The following LYN variants were observed in gnomAD, a reference collection of about 807,000 sequenced individuals.
LYN encodes the protein tyrosine-protein kinase Lyn.
Under a neutral mutation model 65.0 loss-of-function variants are expected in LYN, and 12 were observed. That is an observed-to-expected ratio of 0.18 (90% CI 0.12 to 0.30). The LOEUF is 0.30. Among genes scored for constraint, LYN ranks in the 10% least tolerant of loss-of-function variants. The pLI, the probability that LYN is intolerant of heterozygous loss-of-function variation, is 1.00. For synonymous variants in LYN, 222 were observed against 221.2 expected (o/e 1.00, Z -0.03); for missense variants, 380 against 623.2 (o/e 0.61, Z 4.16).
intron 8 of LYN, among the ~76,000 whole-genome samples, chr8:55,956,358 T>C (rs9298541): frequency 0.33 from 49,591 of 151,984 alleles, 8,491 homozygotes; most frequent in African/African-American, 0.44. Context: ...TGAAGAGTGT[T>C]TAAGCACCTA....
chr8:55,969,744 A>G lies in LYN; in HGVS notation c.1001A>G (p.Asp334Gly). The G allele has an allele frequency of 6.2e-7, 1 of 1,614,192 alleles. No homozygotes were observed. Among genetic ancestry groups the G allele is most frequent in the Non-Finnish European group, 8.5e-7 (1 of 1,180,006 alleles). ...AGTTTGCTGGATTTCCTGAAGAGCGATGAAGGTGGCAAAGTGCTGCTTCCA... is the reference window on the plus strand; with the variant it reads ...AGTTTGCTGGATTTCCTGAAGAGCGGTGAAGGTGGCAAAGTGCTGCTTCCA... Reference protein sequence around the residue: ...KGSLLDFLKSDEGGKVLLPKL... With the variant: ...KGSLLDFLKSGEGGKVLLPKL... The change falls in exon 10 of 13, where the codon GAT becomes GGT. Residue 334 changes from aspartate to glycine, a missense_variant. By Grantham distance (94) the Asp-to-Gly change is moderately conservative. This residue lies in a region of LYN where 223 missense variants were observed against 430.0 expected (regional missense o/e 0.52). Transcript: ENST00000519728.
At chr8:55,929,580 ACAT>A (rs1436888094) in intron 1 of LYN, among the ~76,000 whole-genome samples, 4 of 152,250 alleles carry the variant, frequency 2.6e-5, no homozygotes, top group African/African-American at 9.6e-5. Context: ...AGCAATTAAA[ACAT>A]CAGATTTCCT....
intron 10 of LYN, among the ~76,000 whole-genome samples, chr8:55,987,855 T>G (rs1808125490): frequency 6.6e-6 from 1 of 152,218 alleles, no homozygotes; most frequent in Non-Finnish European, 1.5e-5. Flanking sequence ...CTCAGCTTCG[T>G]CCTCGTTACT....
chr8:55,973,492 A>C (rs1409242414), intron 10 of LYN, among the ~76,000 whole-genome samples: 1 of 152,250 alleles, frequency 6.6e-6, no homozygotes, highest in Non-Finnish European at 1.5e-5. Flanking sequence ...GAGACTTTGC[A>C]TAATTCCCTT....
At chr8:55,921,314 T>G (rs1805941547) in intron 1 of LYN, among the ~76,000 whole-genome samples, 1 of 152,202 alleles carries the variant, frequency 6.6e-6, no homozygotes. Context: ...TATGTTTTAT[T>G]GAAGCAAGTT....
At position 55,941,942 on chromosome 8, in the gene LYN, A is replaced by G. The variant is rs773082600; in HGVS notation, c.83A>G (p.Glu28Gly). The change falls in exon 2 of 13, where the codon GAA becomes GGA. Residue 28 changes from glutamate to glycine, a missense_variant. Glu to Gly is a moderately conservative substitution (Grantham distance 98). Coordinates refer to ENST00000519728, the MANE Select transcript of LYN (RefSeq NM_002350.4). ...AAGACTCAACCAGTACGTAATACTG[A>G]AAGAACTATTTATGTGAGAGATCCA... is the stretch of plus-strand genomic sequence containing the variant. ...DLKTQPVRNT[E>G]RTIYVRDPTS... 7.0e-5 allele frequency: 113 copies of G among 1,613,366 alleles called. No individual in the cohort carries two copies. Among genetic ancestry groups the G allele is most frequent in the Non-Finnish European group, 5.1e-6 (6 of 1,179,612 alleles).
intron 1 of LYN, among the ~76,000 whole-genome samples, chr8:55,922,015 T>G (rs1805959960): frequency 6.6e-6 from 1 of 152,158 alleles, no homozygotes; most frequent in Non-Finnish European, 1.5e-5. Flanking sequence ...AATAGGTACA[T>G]TCTTCCGTGG....
chr8:55,917,987 T>G (rs1390368774), intron 1 of LYN, among the ~76,000 whole-genome samples: 1 of 152,216 alleles, frequency 6.6e-6, no homozygotes, highest in Non-Finnish European at 1.5e-5. Context: ...GGGGGATTTA[T>G]TGGAAGGAAG....
At chr8:55,966,957 T>G in intron 9 of LYN, 60 bp downstream of exon 9, 4 of 1,511,316 alleles carry the variant, frequency 2.6e-6, no homozygotes. Context: ...GTAAAATGTG[T>G]AAGTGTTCAG....
At chr8:55,974,475 T>TAGG (rs1443543140) in intron 10 of LYN, among the ~76,000 whole-genome samples, 2 of 152,132 alleles carry the variant, frequency 1.3e-5, no homozygotes, top group African/African-American at 4.8e-5. Context: ...CCTTTTTGAG[T>TAGG]AGGAGGGCCT....
intron 1 of LYN, chr8:55,893,666 G>A (rs1805013922): frequency 6.6e-6 from 1 of 152,206 alleles, no homozygotes; most frequent in Non-Finnish European, 1.5e-5. Flanking sequence ...TCATGAATAT[G>A]CATGCATATG....
intron 1 of LYN, among the ~76,000 whole-genome samples, chr8:55,911,908 G>T (rs1805650495): frequency 6.6e-6 from 1 of 152,162 alleles, no homozygotes; most frequent in South Asian, 2.1e-4. Flanking sequence ...ATATGGACAG[G>T]TCTTATTGAT....
At chr8:55,902,054 C>A (rs2130383623) in intron 1 of LYN, among the ~76,000 whole-genome samples, 1 of 151,948 alleles carries the variant, frequency 6.6e-6, no homozygotes, top group Middle Eastern at 3.4e-3. Flanking sequence ...ATTGCCCAGA[C>A]TGGACTGCAA....
chr8:55,891,625 T>G (rs1804965414), intron 1 of LYN, among the ~76,000 whole-genome samples: 1 of 152,136 alleles, frequency 6.6e-6, no homozygotes, highest in Non-Finnish European at 1.5e-5. Flanking sequence ...GGTGTGATGG[T>G]TATACAAGAA....
intron 1 of LYN, among the ~76,000 whole-genome samples, chr8:55,891,352 CAAA>C (rs113888818): frequency 2.1e-5 from 2 of 96,436 alleles, no homozygotes; most frequent in Non-Finnish European, 2.2e-5. Flanking sequence ...AACTCCGGCT[CAAA>C]AAAAAAAAAA....
intron 1 of LYN, among the ~76,000 whole-genome samples, chr8:55,918,685 G>C (rs981112490): frequency 9.9e-5 from 15 of 152,172 alleles, no homozygotes; most frequent in Admixed American, 8.5e-4. Context: ...TGGCCTTGCG[G>C]GGTAGGGGGC....
intron 1 of LYN, among the ~76,000 whole-genome samples, chr8:55,909,674 A>G (rs913435118): frequency 3.9e-5 from 6 of 152,348 alleles, no homozygotes; most frequent in African/African-American, 1.4e-4. Flanking sequence ...AGAAATCTCC[A>G]TACTGTTTTC....
chr8:55,999,690 G>A, intron 12 of LYN, 141 bp downstream of exon 12: 1 of 903,654 alleles, frequency 1.1e-6, no homozygotes, highest in Non-Finnish European at 1.7e-6. Context: ...GATTTTCACG[G>A]GCTGGGCATG....
chr8:55,997,973 A>G (rs1176522679), intron 10 of LYN, among the ~76,000 whole-genome samples: 3 of 152,002 alleles, frequency 2.0e-5, no homozygotes, highest in Admixed American at 6.6e-5. Context: ...AGTCCCAGCT[A>G]CTCGGGAGGC....
Sources: gnomAD v4.1 joint callset for allele counts (sites outside exome capture counted in the v4.1 genomes callset) on GRCh38, gnomAD v4.1.1 for gene constraint, gnomAD v4.1.1 regional missense constraint, MANE v1.5 for transcripts, NCBI Gene and HGNC (gene_info 2026-07-23, HGNC 2026-07-21) for gene names.